Variants in AGBL1 observed in about 807,000 individuals in gnomAD.
AGBL1 encodes the protein cytosolic carboxypeptidase 4.
AGBL1 carries 130 observed loss-of-function variants against 118.9 expected under a neutral mutation model. That is an observed-to-expected ratio of 1.09 (90% CI 0.95 to 1.26). AGBL1 has a LOEUF of 1.26. Ranked by LOEUF, AGBL1 falls within the 50% of genes most tolerant of loss-of-function variation. AGBL1 has a pLI of 0.00. For synonymous variants in AGBL1, 555 were observed against 478.9 expected, an observed-to-expected ratio of 1.16 and a Z score of -2.08; for missense variants, 1,584 against 1,298.1, an observed-to-expected ratio of 1.22 and a Z score of -3.38.
At chr15:87,002,557 A>G (rs111760301) in intron 24 of AGBL1, among the ~76,000 whole-genome samples, 1 of 152,142 alleles carries the variant, frequency 6.6e-6, no homozygotes, top group African/African-American at 2.4e-5. Flanking sequence ...GAATCTATAA[A>G]TTACCTTGGG....
intron 24 of AGBL1, among the ~76,000 whole-genome samples, chr15:87,002,353 C>T (rs990422363): frequency 1.2e-4 from 19 of 152,038 alleles, no homozygotes; most frequent in Middle Eastern, 6.8e-3. Context: ...GTTTTGGTAC[C>T]AGTACCATGC....
rs1034481367 is a variant in AGBL1, at chr15:86,321,828, C to A, written c.2374+26420C>A. Among the ~76,000 whole-genome samples the A allele has an allele frequency of 1.6e-4, 25 of 151,700 alleles. 1 individual carries two copies. Among genetic ancestry groups the A allele is most frequent in the Middle Eastern group, 3.4e-3 (1 of 294 alleles). On this transcript the variant is annotated intron_variant, in intron 17 of 22. Coordinates refer to ENST00000614907, the MANE Select transcript of AGBL1 (RefSeq NM_001386094.1). Reference sequence around the variant, plus strand: ...CTTTAAATGCCACTTTATCTCTATACCACTGGCTTTTCTATGTGATATTTT... The same window carrying A: ...CTTTAAATGCCACTTTATCTCTATAACACTGGCTTTTCTATGTGATATTTT...
At chr15:86,857,740 T>A (rs1022333698) in intron 22 of AGBL1, among the ~76,000 whole-genome samples, 1 of 152,158 alleles carries the variant, frequency 6.6e-6, no homozygotes, top group African/African-American at 2.4e-5. Context: ...ACGGTGTCCG[T>A]CTCATTTACC....
At chr15:86,872,102 C>T (rs984199208) in intron 22 of AGBL1, among the ~76,000 whole-genome samples, 3 of 152,180 alleles carry the variant, frequency 2.0e-5, no homozygotes, top group Non-Finnish European at 4.4e-5. Context: ...AAACACAGAG[C>T]AGATTCCAAT....
At chr15:86,311,527 G>T (rs1278993521) in intron 17 of AGBL1, among the ~76,000 whole-genome samples, 2 of 152,082 alleles carry the variant, frequency 1.3e-5, no homozygotes, top group Admixed American at 6.6e-5. Context: ...CAGATAGTAA[G>T]AATTTTAGTG....
At chr15:86,662,261 A>C (rs2085558115) in intron 21 of AGBL1, among the ~76,000 whole-genome samples, 1 of 152,234 alleles carries the variant, frequency 6.6e-6, no homozygotes, top group Non-Finnish European at 1.5e-5. Flanking sequence ...GCATAGGGAA[A>C]AAGTGTCTGA....
At chr15:86,635,321 TC>T (rs2085063818) in intron 21 of AGBL1, among the ~76,000 whole-genome samples, 1 of 88,440 alleles carries the variant, frequency 1.1e-5, no homozygotes, top group Non-Finnish European at 2.1e-5. Context: ...CTCCTCCTCC[TC>T]CTCCTCCTCC....
chr15:86,252,337 A>G (rs1785536458), intron 7 of AGBL1, among the ~76,000 whole-genome samples: 1 of 152,206 alleles, frequency 6.6e-6, no homozygotes, highest in South Asian at 2.1e-4. Flanking sequence ...TAAAGAGAAT[A>G]TTACCAGGTT....
intron 22 of AGBL1, among the ~76,000 whole-genome samples, chr15:86,883,233 A>G (rs997092683): frequency 6.6e-6 from 1 of 152,222 alleles, no homozygotes; most frequent in Non-Finnish European, 1.5e-5. Flanking sequence ...AGTGTGCTTC[A>G]GCATCTTCTT....
At chr15:86,403,834 T>A (rs1335027053) in intron 18 of AGBL1, among the ~76,000 whole-genome samples, 1 of 152,182 alleles carries the variant, frequency 6.6e-6, no homozygotes, top group Non-Finnish European at 1.5e-5. Context: ...AACCTTAACA[T>A]GTTCTTGCAG....
chr15:86,389,156 TA>T (rs891160350), intron 17 of AGBL1, among the ~76,000 whole-genome samples: 11 of 152,066 alleles, frequency 7.2e-5, no homozygotes, highest in African/African-American at 2.4e-4. Context: ...CAGAAAACAT[TA>T]AAAAAATAAG....
At chr15:86,384,007 A>T (rs921431267) in intron 17 of AGBL1, among the ~76,000 whole-genome samples, 1 of 152,220 alleles carries the variant, frequency 6.6e-6, no homozygotes, top group South Asian at 2.1e-4. Context: ...AATGTAATAA[A>T]GTATAACAGG....
intron 21 of AGBL1, among the ~76,000 whole-genome samples, chr15:86,591,321 A>G (rs1332088886): frequency 2.0e-5 from 3 of 152,160 alleles, no homozygotes; most frequent in Non-Finnish European, 4.4e-5. Context: ...CACCTGCTGG[A>G]TGTCCTCTAA....
intron 24 of AGBL1, among the ~76,000 whole-genome samples, chr15:87,021,148 C>T (rs933390030): frequency 6.6e-6 from 1 of 152,222 alleles, no homozygotes; most frequent in Non-Finnish European, 1.5e-5. Flanking sequence ...GGTAAAAGAA[C>T]AGACACATAG....
chr15:86,151,496 C>T (rs996396690), intron 3 of AGBL1, among the ~76,000 whole-genome samples: 1 of 152,012 alleles, frequency 6.6e-6, no homozygotes, highest in Non-Finnish European at 1.5e-5. Context: ...TAAAAACTCT[C>T]AATAAACTAG....
chr15:86,370,087 A>T (rs1472781036), intron 17 of AGBL1, among the ~76,000 whole-genome samples: 3 of 152,160 alleles, frequency 2.0e-5, no homozygotes, highest in Non-Finnish European at 4.4e-5. Flanking sequence ...TTGATTTTTC[A>T]TTAAGAAATC....
At chr15:86,320,911 T>G (rs923277895) in intron 17 of AGBL1, among the ~76,000 whole-genome samples, 12 of 151,832 alleles carry the variant, frequency 7.9e-5, no homozygotes, top group African/African-American at 2.9e-4. Context: ...TGAATTGATT[T>G]TATAGTGTTA....
Position 86,913,958 on chromosome 15 carries a change from T to G in AGBL1, c.*6664T>G, listed in dbSNP as rs1010952835. 6.6e-6 allele frequency: 1 copy of G among 152,182 alleles called. No individual in the cohort carries two copies. Among genetic ancestry groups the G allele is most frequent in the Non-Finnish European group, 1.5e-5 (1 of 68,034 alleles). 9.4% of individuals were successfully genotyped at this position (152,182 alleles called of 1,614,324 possible). ...TGATCTTTTATAGTCTCTAGGCTCT[T>G]ATGGGGTTAAAATGATTTCTTGGTA... On this transcript the variant is annotated 3_prime_UTR_variant, in exon 23 of 23. Transcript: ENST00000614907.
chr15:86,791,903 A>T (rs150188126), intron 22 of AGBL1, among the ~76,000 whole-genome samples: 1 of 151,770 alleles, frequency 6.6e-6, no homozygotes, highest in Non-Finnish European at 1.5e-5. Flanking sequence ...CACCTGGCTA[A>T]TTTTTTATTG....
Sources: allele counts gnomAD v4.1 joint callset (sites outside exome capture counted in the v4.1 genomes callset), GRCh38; gene constraint gnomAD v4.1.1; transcripts MANE v1.5; gene names NCBI Gene and HGNC (gene_info 2026-07-23, HGNC 2026-07-21).